Variants in GAB3 observed in about 807,000 individuals in gnomAD.
GAB3 encodes GRB2 associated binding protein 3, also known as GRB2-associated-binding protein 3.
In GAB3, 12 loss-of-function variants were observed where a neutral mutation model predicts 40.4. That is an observed-to-expected ratio of 0.30 (90% CI 0.19 to 0.48). The LOEUF (loss-of-function observed/expected upper bound fraction) is 0.48. Among genes scored for constraint, GAB3 ranks in the 20% least tolerant of loss-of-function variants. The probability of loss-of-function intolerance (pLI) is 0.99; values close to 1 mark genes in which losing one functional copy is unlikely to be tolerated. For missense variants in GAB3, 381 were observed against 461.9 expected (o/e 0.82, Z 1.61); for synonymous variants, 154 against 176.7 (o/e 0.87, Z 1.02).
Position 154,675,710 on chromosome X carries a change from C to G in GAB3, c.*2468G>C, listed in dbSNP as rs1411920502. The G allele has an allele frequency of 2.7e-5, 3 of 112,326 alleles. No individual in the cohort carries two copies. Among genetic ancestry groups the G allele is most frequent in the Non-Finnish European group, 3.8e-5 (2 of 53,248 alleles). 9.3% of individuals were successfully genotyped at this position (112,326 alleles called of 1,213,427 possible). On this transcript the variant is annotated 3_prime_UTR_variant, in exon 10 of 10. Coordinates refer to ENST00000424127, the MANE Select transcript of GAB3 (RefSeq NM_001081573.3). ...TTAATTGCTGCATTGCCCTGTTATGCTGATTCCCACATCTTGTAGGTCTCT... is the reference window on the plus strand; with the variant it reads ...TTAATTGCTGCATTGCCCTGTTATGGTGATTCCCACATCTTGTAGGTCTCT...
At chrX:154,750,906 G>A in intron 1 of GAB3, 48 bp downstream of exon 1, 3 of 756,784 alleles carry the variant, frequency 4.0e-6, no homozygotes, top group Non-Finnish European at 3.1e-6. Context: ...CCCGCGGGCG[G>A]GTGCCCCGGG....
At chrX:154,706,985 T>C (rs1214342780) in intron 4 of GAB3, among the ~76,000 whole-genome samples, 1 of 105,353 alleles carries the variant, frequency 9.5e-6, no homozygotes, top group African/African-American at 3.4e-5. Context: ...ATTCAAAATA[T>C]ACAAAATTAC....
At chrX:154,735,493 A>G (rs2071353305) in intron 1 of GAB3, among the ~76,000 whole-genome samples, 1 of 112,419 alleles carries the variant, frequency 8.9e-6, no homozygotes, top group Admixed American at 9.4e-5. Flanking sequence ...ACATCTCAGT[A>G]CATGGCAACT....
At chrX:154,745,470 G>A (rs1407288649) in intron 1 of GAB3, among the ~76,000 whole-genome samples, 16 of 111,662 alleles carry the variant, frequency 1.4e-4, no homozygotes, top group African/African-American at 5.2e-4. Context: ...CAATCAAAAG[G>A]AGGAAAATAA....
At chrX:154,738,893 C>A (rs1412243391) in intron 1 of GAB3, among the ~76,000 whole-genome samples, 1 of 111,761 alleles carries the variant, frequency 8.9e-6, no homozygotes, top group African/African-American at 3.3e-5. Context: ...AGCATCTGCA[C>A]CTTTTTCTAT....
At chrX:154,700,183 A>G (rs1313224806) in intron 4 of GAB3, 124 bp from the exon 5 acceptor site, 2 of 500,690 alleles carry the variant, frequency 4.0e-6, no homozygotes, top group Non-Finnish European at 6.7e-6. Context: ...GTCAGAACAC[A>G]TTTCCCCAAC....
intron 4 of GAB3, among the ~76,000 whole-genome samples, chrX:154,711,602 G>A (rs2070947202): frequency 8.9e-6 from 1 of 112,014 alleles, no homozygotes; most frequent in African/African-American, 3.3e-5. Flanking sequence ...CCTTTGTACA[G>A]CCACTTAGAA....
intron 9 of GAB3, among the ~76,000 whole-genome samples, 195 bp from the exon 10 acceptor site, chrX:154,678,489 G>GC (rs1457302158): frequency 1.8e-5 from 2 of 112,318 alleles, no homozygotes; most frequent in Non-Finnish European, 3.8e-5. Flanking sequence ...CACTTGACTT[G>GC]CTTTGATCAA....
intron 2 of GAB3, among the ~76,000 whole-genome samples, chrX:154,714,978 T>G (rs1374326878): frequency 6.2e-5 from 7 of 112,438 alleles, no homozygotes; most frequent in Admixed American, 4.7e-4. Flanking sequence ...TTCCTTTTAT[T>G]TGAGTGCTCC....
chrX:154,678,221 C>T lies in GAB3; in HGVS notation c.1721G>A (p.Ser574Asn). ...VDEQKTQALQ[S>N]TKQEWTDERQ... ...TTCATCCGTCCACTCCTGTTTTGTGCTCTGGAGAGCCTGTGTCTTCTGCTC... is the reference window on the plus strand; with the variant it reads ...TTCATCCGTCCACTCCTGTTTTGTGTTCTGGAGAGCCTGTGTCTTCTGCTC... The change falls in exon 10 of 10, where the codon AGC becomes AAC. Residue 574 changes from serine (S) to asparagine (N), a missense_variant. Physicochemically the swap from Ser to Asn is conservative, Grantham distance 46. Coordinates refer to ENST00000424127, the MANE Select transcript of GAB3 (RefSeq NM_001081573.3). 1 of 1,201,710 alleles carries T rather than the reference C, an allele frequency of 8.3e-7. No homozygotes were observed. Among genetic ancestry groups the T allele is most frequent in the East Asian group, 3.0e-5 (1 of 33,716 alleles).
At chrX:154,699,563 T>A in intron 5 of GAB3, 50 bp from the exon 6 acceptor site, 1 of 1,073,887 alleles carries the variant, frequency 9.3e-7, no homozygotes, top group Non-Finnish European at 1.3e-6. Context: ...TCATGGAAAC[T>A]GCTATCAGAG....
chrX:154,698,338 T>C (rs2070692505), intron 6 of GAB3, among the ~76,000 whole-genome samples: 1 of 112,096 alleles, frequency 8.9e-6, no homozygotes, highest in Admixed American at 9.5e-5. Flanking sequence ...GAACCCTCCT[T>C]GCTCCCTCAT....
In GAB3 at chrX:154,699,528, A is replaced by G; in HGVS notation, c.1126-15T>C. The G allele has an allele frequency of 8.4e-7, 1 of 1,190,453 alleles. No individual in the cohort carries two copies. The highest frequency in any genetic ancestry group is 1.1e-6 in the Non-Finnish European group (1 of 879,084). ...AACCTGCATGGCTGCAAAAGAATAG[A>G]TACAGATTGGGAACCACAGACCAGT... is the stretch of plus-strand genomic sequence containing the variant. On this transcript the variant is annotated splice_polypyrimidine_tract_variant and intron_variant, in intron 5 of 9. Transcript: ENST00000424127.
At chrX:154,744,718 C>T (rs2071500932) in intron 1 of GAB3, among the ~76,000 whole-genome samples, 1 of 112,161 alleles carries the variant, frequency 8.9e-6, no homozygotes, top group Non-Finnish European at 1.9e-5. Flanking sequence ...GAACACTTTA[C>T]CCAATGACAG....
At chrX:154,709,351 T>C (rs1557254847) in intron 4 of GAB3, among the ~76,000 whole-genome samples, 3 of 106,432 alleles carry the variant, frequency 2.8e-5, no homozygotes, top group South Asian at 4.4e-4. Flanking sequence ...GACGAAGTCT[T>C]GCTCTGTCGC....
At chrX:154,696,257 T>TCATG (rs2070654902) in intron 7 of GAB3, among the ~76,000 whole-genome samples, 2 of 92,075 alleles carry the variant, frequency 2.2e-5, no homozygotes, top group African/African-American at 8.6e-5. Context: ...GTGACACAGC[T>TCATG]CATGAGCTTT....
At chrX:154,696,754 A>G (rs1557250841) in intron 7 of GAB3, among the ~76,000 whole-genome samples, 1 of 112,618 alleles carries the variant, frequency 8.9e-6, no homozygotes, top group Non-Finnish European at 1.9e-5. Flanking sequence ...ACTGAAAAAG[A>G]GCCCATCTGT....
intron 8 of GAB3, among the ~76,000 whole-genome samples, chrX:154,685,304 G>A (rs1260712404): frequency 1.8e-5 from 2 of 110,642 alleles, no homozygotes; most frequent in South Asian, 7.5e-4. Flanking sequence ...TATTAATTTG[G>A]GGGGTTGCTG....
intron 4 of GAB3, among the ~76,000 whole-genome samples, chrX:154,702,982 T>C (rs1326607118): frequency 2.7e-5 from 3 of 111,901 alleles, no homozygotes; most frequent in African/African-American, 9.7e-5. Context: ...ATGGTTATTA[T>C]TAAAAAGTCA....
Sources: allele counts gnomAD v4.1 joint callset (sites outside exome capture counted in the v4.1 genomes callset), GRCh38; gene constraint gnomAD v4.1.1; transcripts MANE v1.5; gene names NCBI Gene and HGNC (gene_info 2026-07-23, HGNC 2026-07-21).